INTS6: variants seen among roughly 807,000 people sequenced by gnomAD.
INTS6 encodes the protein integrator complex subunit 6, also known as DEAD box protein.
A neutral mutation model predicts 104.9 loss-of-function variants in INTS6; 16 were observed. That is an observed-to-expected ratio of 0.15 (90% CI 0.10 to 0.23). The LOEUF is 0.23. INTS6 is among the 10% of genes least tolerant of loss of function. The probability of loss-of-function intolerance (pLI) is 1.00; values close to 1 mark genes in which losing one functional copy is unlikely to be tolerated. For missense variants in INTS6, 584 were observed against 1,062.8 expected, an observed-to-expected ratio of 0.55 and a Z score of 6.26; for synonymous variants, 324 against 358.7, an observed-to-expected ratio of 0.90 and a Z score of 1.09.
At chr13:51,422,653 G>A (rs1956916454) in intron 4 of INTS6, among the ~76,000 whole-genome samples, 1 of 152,036 alleles carries the variant, frequency 6.6e-6, no homozygotes, top group African/African-American at 2.4e-5. Context: ...TCACCTTGCT[G>A]GCACAGTAAT....
At chr13:51,418,649 C>A (rs554717864) in intron 4 of INTS6, among the ~76,000 whole-genome samples, 3 of 152,202 alleles carry the variant, frequency 2.0e-5, no homozygotes, top group Non-Finnish European at 4.4e-5. Flanking sequence ...AATGTACATC[C>A]AAAAGGAATT....
In INTS6 at chr13:51,452,279, G is replaced by T. The variant is rs920404631; in HGVS notation, c.111+136C>A. ...GCTCGCAGCGCCCGCCCGCCCGCGC[G>T]GTGGGGGAGGGGGTCCCCGAGCCCG... is the stretch of plus-strand genomic sequence containing the variant. On this transcript the variant is annotated intron_variant, in intron 1 of 17. Transcript: ENST00000311234. The surrounding 1 kb of genome is among the most constrained non-coding windows in gnomAD (Gnocchi z 4.2). 9.5e-6 allele frequency: 9 copies of T among 943,168 alleles called. No individual in the cohort carries two copies. Among genetic ancestry groups the T allele is most frequent in the African/African-American group, 1.8e-5 (1 of 57,066 alleles). The allele number at this position is 943,168 out of a possible 1,614,324, so 58.4% of individuals were successfully genotyped here.
At chr13:51,421,863 C>T (rs1312967469) in intron 4 of INTS6, among the ~76,000 whole-genome samples, 1 of 152,140 alleles carries the variant, frequency 6.6e-6, no homozygotes, top group Non-Finnish European at 1.5e-5. Context: ...AAAACACACA[C>T]ACACACTGCT....
At chr13:51,409,862 G>A (rs1232718439) in intron 4 of INTS6, among the ~76,000 whole-genome samples, 1 of 152,088 alleles carries the variant, frequency 6.6e-6, no homozygotes, top group Non-Finnish European at 1.5e-5. Context: ...TACGTAAAAA[G>A]CTTCAAGGAA....
At chr13:51,438,606 A>G (rs1242337275) in intron 3 of INTS6, 3 of 152,238 alleles carry the variant, frequency 2.0e-5, no homozygotes, top group African/African-American at 7.2e-5. Flanking sequence ...TGAATTAAAA[A>G]TAAAATTTAA....
downstream of INTS6, among the ~76,000 whole-genome samples, chr13:51,359,115 CT>C (rs1955523173): frequency 6.6e-6 from 1 of 152,060 alleles, no homozygotes; most frequent in Admixed American, 6.6e-5. Flanking sequence ...TTGAGAACAA[CT>C]TTTGGGAAAA....
chr13:51,421,246 G>C, intron 4 of INTS6: 1 of 985,684 alleles, frequency 1.0e-6, no homozygotes, highest in Non-Finnish European at 1.2e-6. Context: ...CCTGTATCCA[G>C]GAATCATGAC....
intron 3 of INTS6, among the ~76,000 whole-genome samples, chr13:51,435,494 A>G (rs994766922): frequency 1.3e-5 from 2 of 152,048 alleles, no homozygotes; most frequent in African/African-American, 4.8e-5. Context: ...TACTCAGTTA[A>G]AGCATAAAAT....
In INTS6 at chr13:51,452,172, C is replaced by G. The variant is rs1953072608; in HGVS notation, c.112-117G>C. 1.1e-6 allele frequency: 1 copy of G among 949,666 alleles called. No individual in the cohort carries two copies. The highest frequency in any genetic ancestry group is 1.6e-6 in the Non-Finnish European group (1 of 624,784). 58.8% of individuals were successfully genotyped at this position (949,666 alleles called of 1,614,324 possible). A position where few individuals can be genotyped will look rare whatever the true frequency, so the allele number is the denominator to read the frequency against. On this transcript the variant is annotated intron_variant, in intron 1 of 17. Transcript: ENST00000311234. The surrounding 1 kb of genome is among the most constrained non-coding windows in gnomAD (Gnocchi z 4.2). ...CCCCACAGTACCGCACACGCAGCGG[C>G]CACCCCTCCACGCCGTCCCCCACAC...
At chr13:51,430,443 A>T in intron 3 of INTS6, 60 bp from the exon 4 acceptor site, 1 of 1,353,258 alleles carries the variant, frequency 7.4e-7, no homozygotes. Context: ...CAAAGTAAAA[A>T]GTCAATTCTC....
the INTS6 span, chr13:51,348,366 G>A: frequency 1.2e-6 from 2 of 1,613,772 alleles, no homozygotes; most frequent in African/African-American, 2.7e-5. Flanking sequence ...ATCCACCTCT[G>A]GACCACCAGC....
the INTS6 span, chr13:51,344,573 C>A: frequency 3.0e-6 from 3 of 998,796 alleles, no homozygotes; most frequent in Non-Finnish European, 3.1e-6. Context: ...GGCCATGGTG[C>A]TCAGGCCACC....
intron 4 of INTS6, among the ~76,000 whole-genome samples, chr13:51,401,666 C>G (rs928509729): frequency 1.3e-5 from 2 of 151,892 alleles, no homozygotes; most frequent in Non-Finnish European, 2.9e-5. Flanking sequence ...TTCATTTAAC[C>G]CACAAAATAA....
chr13:51,432,315 C>T (rs1040624705), intron 3 of INTS6, among the ~76,000 whole-genome samples: 1 of 152,022 alleles, frequency 6.6e-6, no homozygotes, highest in African/African-American at 2.4e-5. Context: ...TCTATCCTCC[C>T]ACCTTTTCAA....
At chr13:51,420,715 TAATA>T (rs1409929680) in intron 4 of INTS6, among the ~76,000 whole-genome samples, 2 of 148,618 alleles carry the variant, frequency 1.3e-5, no homozygotes, top group African/African-American at 2.5e-5. Context: ...AACTGGTATC[TAATA>T]AATATACAAA....
the INTS6 span, among the ~76,000 whole-genome samples, chr13:51,339,928 G>C: frequency 6.6e-6 from 1 of 151,968 alleles, no homozygotes; most frequent in Admixed American, 6.6e-5. Context: ...CACACACATA[G>C]AAAGAAAGAG....
chr13:51,399,506 T>G (rs769825987), intron 4 of INTS6, among the ~76,000 whole-genome samples: 1 of 152,236 alleles, frequency 6.6e-6, no homozygotes, highest in Non-Finnish European at 1.5e-5. Flanking sequence ...GTGGAAAATA[T>G]ATGTATGCAT....
chr13:51,395,923 G>A (rs1354290382), intron 4 of INTS6, among the ~76,000 whole-genome samples: 3 of 152,008 alleles, frequency 2.0e-5, no homozygotes, highest in African/African-American at 2.4e-5. Flanking sequence ...TCAGCCTCCC[G>A]AGTAGCTGGG....
chr13:51,344,300 C>T, the INTS6 span: 1 of 1,613,960 alleles, frequency 6.2e-7, no homozygotes, highest in Non-Finnish European at 8.5e-7. Flanking sequence ...ACACTACCCA[C>T]CTCCAGCCAA....
Sources: allele counts gnomAD v4.1 joint callset (sites outside exome capture counted in the v4.1 genomes callset), GRCh38; gene constraint gnomAD v4.1.1; non-coding constraint Gnocchi (gnomAD v3.1); transcripts MANE v1.5; gene names NCBI Gene and HGNC (gene_info 2026-07-23, HGNC 2026-07-21).